Variants in MAP2K5 observed in about 807,000 individuals in gnomAD.
MAP2K5 encodes the protein dual specificity mitogen-activated protein kinase kinase 5.
MAP2K5 carries 49 observed loss-of-function variants against 83.1 expected under a neutral mutation model. The observed-to-expected ratio is 0.59, with a 90% CI of 0.47 to 0.75. MAP2K5 has a LOEUF of 0.75. MAP2K5 is among the 30% of genes least tolerant of loss of function. The pLI is 0.00. For synonymous variants in MAP2K5, 202 were observed against 191.8 expected, an observed-to-expected ratio of 1.05 and a Z score of -0.44; for missense variants, 457 against 557.5, an observed-to-expected ratio of 0.82 and a Z score of 1.82.
At chr15:67,718,241 CA>C (rs1327354515) in intron 16 of MAP2K5, 1 of 152,210 alleles carries the variant, frequency 6.6e-6, no homozygotes, top group African/African-American at 2.4e-5. Flanking sequence ...CAAATACCCA[CA>C]GCTGCATGAT....
chr15:67,792,905 T>C (rs770610046), intron 21 of MAP2K5, among the ~76,000 whole-genome samples: 1 of 152,216 alleles, frequency 6.6e-6, no homozygotes, highest in Non-Finnish European at 1.5e-5. Context: ...TGGCAAACTT[T>C]ACAGAAAAGT....
chr15:67,678,185 G>GT (rs571695980), intron 13 of MAP2K5, among the ~76,000 whole-genome samples: 6 of 151,984 alleles, frequency 3.9e-5, no homozygotes, highest in Admixed American at 2.6e-4. Context: ...TAGATATATT[G>GT]TTTTTTTTCT....
intron 4 of MAP2K5, 56 bp downstream of exon 4, chr15:67,580,879 A>G: frequency 8.6e-7 from 1 of 1,164,448 alleles, no homozygotes; most frequent in East Asian, 2.4e-5. Flanking sequence ...TGTTTCATCA[A>G]CAGTTATGTT....
rs745599690 is a variant in MAP2K5 at position 67,790,216 on chromosome 15, G to A, written c.1243-16430G>A. On this transcript the variant is annotated intron_variant, in intron 21 of 21. Coordinates refer to ENST00000178640, the MANE Select transcript of MAP2K5 (RefSeq NM_145160.3). The surrounding 1 kb of genome is among the most constrained non-coding windows in gnomAD (Gnocchi z 4.6). ...ATTTTTTCTATTTGTTTTAAGCCTG[G>A]GAAGACTGTGTGGTTTTCTCAACAC... 2.0e-5 allele frequency among the ~76,000 whole-genome samples: 3 copies of A among 152,128 alleles called. No homozygotes were observed. Among genetic ancestry groups the A allele is most frequent in the Non-Finnish European group, 4.4e-5 (3 of 68,028 alleles).
intron 21 of MAP2K5, among the ~76,000 whole-genome samples, chr15:67,787,268 G>A (rs1409854024): frequency 6.6e-6 from 1 of 152,226 alleles, no homozygotes; most frequent in Admixed American, 6.5e-5. Context: ...TAGCCAAAAG[G>A]ATGGGAAACC....
chr15:67,641,423 A>AT, intron 9 of MAP2K5: 1 of 913,684 alleles, frequency 1.1e-6, no homozygotes, highest in Non-Finnish European at 1.3e-6. Flanking sequence ...TTGACCTGTG[A>AT]TTTTGCTCTC....
At chr15:67,614,636 G>A (rs1440473656) in intron 8 of MAP2K5, among the ~76,000 whole-genome samples, 2 of 152,120 alleles carry the variant, frequency 1.3e-5, no homozygotes, top group East Asian at 1.9e-4. Context: ...TGATCTCAGA[G>A]GTATTTAGAC....
chr15:67,752,971 A>T (rs2089755736), intron 19 of MAP2K5, among the ~76,000 whole-genome samples: 1 of 152,200 alleles, frequency 6.6e-6, no homozygotes, highest in Non-Finnish European at 1.5e-5. Flanking sequence ...AATTACACTG[A>T]TCAAGATAGT....
intron 13 of MAP2K5, chr15:67,679,912 A>G (rs1419967321): frequency 1.3e-5 from 2 of 152,220 alleles, no homozygotes; most frequent in African/African-American, 4.8e-5. Context: ...AACCATAACC[A>G]TAATCCAGTT....
chr15:67,576,331 G>T (rs1384201166), intron 3 of MAP2K5, among the ~76,000 whole-genome samples: 2 of 147,692 alleles, frequency 1.4e-5, no homozygotes, highest in Non-Finnish European at 3.0e-5. Context: ...TGTAATTATT[G>T]ATTGAATTGT....
At chr15:67,727,499 C>T (rs1385098636) in intron 16 of MAP2K5, among the ~76,000 whole-genome samples, 1 of 152,154 alleles carries the variant, frequency 6.6e-6, no homozygotes, top group Non-Finnish European at 1.5e-5. Flanking sequence ...CTTCCTACTA[C>T]CCTCCATTTA....
At chr15:67,752,256 A>G (rs62015181) in intron 19 of MAP2K5, among the ~76,000 whole-genome samples, 16,033 of 151,572 alleles carry the variant, frequency 0.11, 926 homozygotes, top group Admixed American at 0.11. Context: ...TAGTAGAGAC[A>G]GGGTTTCACC....
Position 67,600,702 on chromosome 15 carries a change from A to G in MAP2K5, c.498A>G (p.Ile166Met). 6.2e-7 allele frequency: 1 copy of G among 1,610,034 alleles called. No individual in the cohort carries two copies. The highest frequency in any genetic ancestry group is 1.7e-5 in the Admixed American group (1 of 58,768). ...TTGTGGAGATGAATGAACAAGACATACGATATCGGGACACTCTTGGTCATG... is the reference window on the plus strand; with the variant it reads ...TTGTGGAGATGAATGAACAAGACATGCGATATCGGGACACTCTTGGTCATG... ...LANGQMNEQDIRYRDTLGHGN... is the reference protein window; with the variant it reads ...LANGQMNEQDMRYRDTLGHGN... Residue 166 changes from isoleucine to methionine, a missense_variant, in exon 8 of 22, where the codon ATA (isoleucine) becomes ATG (methionine). Ile to Met is a conservative substitution (Grantham distance 10). This residue lies in a region of MAP2K5 where 234 missense variants were observed against 243.6 expected (regional missense o/e 0.96). Coordinates refer to ENST00000178640, the MANE Select transcript of MAP2K5 (RefSeq NM_145160.3).
intron 13 of MAP2K5, among the ~76,000 whole-genome samples, chr15:67,671,807 C>A (rs1380158281): frequency 1.0e-5 from 1 of 99,052 alleles, no homozygotes; most frequent in African/African-American, 3.9e-5. Context: ...TGCTATCCCT[C>A]CCCCCTCCCC....
intron 7 of MAP2K5, among the ~76,000 whole-genome samples, chr15:67,596,299 A>G (rs1393789360): frequency 6.6e-6 from 1 of 152,148 alleles, no homozygotes; most frequent in African/African-American, 2.4e-5. Flanking sequence ...GCCCATGCCC[A>G]GCTACTTAGG....
chr15:67,670,812 A>G (rs1244086829), intron 13 of MAP2K5, among the ~76,000 whole-genome samples: 1 of 152,184 alleles, frequency 6.6e-6, no homozygotes, highest in Non-Finnish European at 1.5e-5. Context: ...GGATAGTGGG[A>G]AGAGAAACAG....
chr15:67,711,281 T>C (rs2088685860), intron 16 of MAP2K5, among the ~76,000 whole-genome samples: 1 of 152,230 alleles, frequency 6.6e-6, no homozygotes, highest in South Asian at 2.1e-4. Context: ...ATGGAGTCTT[T>C]AATATAAATG....
intron 16 of MAP2K5, among the ~76,000 whole-genome samples, chr15:67,716,704 A>G (rs2088834117): frequency 1.3e-5 from 2 of 152,160 alleles, no homozygotes; most frequent in Non-Finnish European, 2.9e-5. Flanking sequence ...GCAGAAGAGG[A>G]CTGGAATCTG....
intron 13 of MAP2K5, among the ~76,000 whole-genome samples, chr15:67,687,559 A>G (rs1490238042): frequency 2.0e-5 from 3 of 152,222 alleles, no homozygotes; most frequent in South Asian, 4.1e-4. Context: ...ACCTAGTACC[A>G]TATCTGGCAC....
Sources: allele counts gnomAD v4.1 joint callset (sites outside exome capture counted in the v4.1 genomes callset), GRCh38; gene constraint gnomAD v4.1.1; regional missense constraint gnomAD v4.1.1; non-coding constraint Gnocchi (gnomAD v3.1); transcripts MANE v1.5; gene names NCBI Gene and HGNC (gene_info 2026-07-23, HGNC 2026-07-21).